The following GALNT17 variants were observed in gnomAD, a reference collection of about 807,000 sequenced individuals.
The protein encoded by GALNT17 is polypeptide N-acetylgalactosaminyltransferase 17.
Under a neutral mutation model 63.7 loss-of-function variants are expected in GALNT17, and 29 were observed. The observed-to-expected ratio is 0.46, with a 90% CI of 0.34 to 0.62. The LOEUF (loss-of-function observed/expected upper bound fraction) is 0.62. Among genes scored for constraint, GALNT17 ranks in the 20% least tolerant of loss-of-function variants. GALNT17 has a pLI of 0.01. For missense variants in GALNT17, 603 were observed against 799.6 expected (o/e 0.75, Z 2.97); for synonymous variants, 305 against 318.3 (o/e 0.96, Z 0.45).
chr7:71,613,337 C>T (rs928403165), intron 6 of GALNT17, among the ~76,000 whole-genome samples: 1 of 152,082 alleles, frequency 6.6e-6, no homozygotes, highest in East Asian at 1.9e-4. Context: ...TCTCTTTTTC[C>T]CCCAGCATTA....
intron 6 of GALNT17, among the ~76,000 whole-genome samples, chr7:71,577,977 G>A (rs1268443693): frequency 6.6e-6 from 1 of 151,906 alleles, no homozygotes; most frequent in Non-Finnish European, 1.5e-5. Context: ...GGGTTTTGAA[G>A]GCTTGCTCCT....
intron 7 of GALNT17, 118 bp downstream of exon 7, chr7:71,665,714 T>C (rs1052813900): frequency 5.9e-6 from 7 of 1,186,106 alleles, no homozygotes; most frequent in African/African-American, 1.6e-5. Flanking sequence ...AGAAAAATTA[T>C]GAATGCATTT....
At chr7:71,555,627 A>T (rs1044618378) in intron 5 of GALNT17, among the ~76,000 whole-genome samples, 1 of 152,020 alleles carries the variant, frequency 6.6e-6, no homozygotes, top group South Asian at 2.1e-4. Flanking sequence ...ACTATCCCAT[A>T]TGTCAGTGAT....
At position 71,265,114 on chromosome 7, in the gene GALNT17, A is replaced by T. The variant is rs1472779966; in HGVS notation, c.239-70436A>T. 2.0e-4 allele frequency among the ~76,000 whole-genome samples: 8 copies of T among 40,112 alleles called. No individual in the cohort carries two copies. In the South Asian group the frequency reaches 5.2e-3, roughly 26 times the overall value. The allele number at this position is 40,112 out of a possible 152,430, so 26.3% of individuals were successfully genotyped here. On this transcript the variant is annotated intron_variant, in intron 1 of 10. Coordinates refer to ENST00000333538, the MANE Select transcript of GALNT17 (RefSeq NM_022479.3). ...CCATAAATATTATATATATATATATATATATTTTTTTTTTTTTTTTTTTTT... is the reference window on the plus strand; with the variant it reads ...CCATAAATATTATATATATATATATTTATATTTTTTTTTTTTTTTTTTTTT...
intron 6 of GALNT17, among the ~76,000 whole-genome samples, chr7:71,597,078 C>T (rs1478037181): frequency 6.6e-6 from 1 of 151,990 alleles, no homozygotes; most frequent in Non-Finnish European, 1.5e-5. Context: ...TGCTCTGTTG[C>T]CCAGGCTGGA....
intron 1 of GALNT17, among the ~76,000 whole-genome samples, chr7:71,253,283 G>A (rs1465256643): frequency 6.6e-6 from 1 of 152,090 alleles, no homozygotes; most frequent in Non-Finnish European, 1.5e-5. Flanking sequence ...AAGGCAAAAG[G>A]CACATCTTAC....
chr7:71,264,850 C>T (rs1045973138), intron 1 of GALNT17, among the ~76,000 whole-genome samples: 4 of 151,312 alleles, frequency 2.6e-5, no homozygotes, highest in African/African-American at 7.3e-5. Context: ...GGGTAGGGTT[C>T]GTAGAGAGGT....
intron 5 of GALNT17, among the ~76,000 whole-genome samples, chr7:71,480,352 C>T (rs2116639983): frequency 6.6e-6 from 1 of 151,754 alleles, no homozygotes. Flanking sequence ...CGGACTCTTG[C>T]ACAGTCCTGG....
At chr7:71,534,913 A>G (rs574074821) in intron 5 of GALNT17, among the ~76,000 whole-genome samples, 2 of 152,256 alleles carry the variant, frequency 1.3e-5, no homozygotes, top group East Asian at 3.9e-4. Flanking sequence ...GGAGAACTAC[A>G]CTTCTGTGAT....
At chr7:71,571,159 C>CCCAGTACATGCTAGGCTGGAA (rs1554310505) in intron 5 of GALNT17, 126 bp from the exon 6 acceptor site, 1 of 358,962 alleles carries the variant, frequency 2.8e-6, no homozygotes, top group Non-Finnish European at 4.9e-6. Flanking sequence ...TAGGCTGGAA[C>CCCAGTACATGCTAGGCTGGAA]CCAGTACATG....
At chr7:71,238,569 T>G (rs1463477734) in intron 1 of GALNT17, among the ~76,000 whole-genome samples, 1 of 152,104 alleles carries the variant, frequency 6.6e-6, no homozygotes, top group Non-Finnish European at 1.5e-5. Flanking sequence ...GGGCTAAATA[T>G]TGAAAGGTGG....
In GALNT17 at chr7:71,588,628, A is replaced by C. The variant is rs140477246; in HGVS notation, c.1080+17226A>C. Among the ~76,000 whole-genome samples, 35 of 152,006 alleles carry C rather than the reference A, an allele frequency of 2.3e-4. No individual in the cohort carries two copies. The East Asian group carries it at 6.4e-3, about 28-fold the overall frequency. Reference sequence around the variant, plus strand: ...GTAGTCACAGCCACATGCACCAAACACTCTGCTTTTAGGTTGATTCTACCC... The same window carrying C: ...GTAGTCACAGCCACATGCACCAAACCCTCTGCTTTTAGGTTGATTCTACCC... On this transcript the variant is annotated intron_variant, in intron 6 of 10. Coordinates refer to ENST00000333538, the MANE Select transcript of GALNT17 (RefSeq NM_022479.3).
At chr7:71,383,119 G>A (rs1792876658) in intron 2 of GALNT17, among the ~76,000 whole-genome samples, 1 of 152,136 alleles carries the variant, frequency 6.6e-6, no homozygotes, top group Admixed American at 6.6e-5. Context: ...TTTGTGATTA[G>A]CTTATTTCAC....
intron 6 of GALNT17, among the ~76,000 whole-genome samples, chr7:71,587,821 C>T (rs1789741552): frequency 6.6e-6 from 1 of 152,090 alleles, no homozygotes. Context: ...GGGAAAAATA[C>T]TCATAATGCC....
intron 1 of GALNT17, among the ~76,000 whole-genome samples, chr7:71,334,378 GCTGGTCCTT>G (rs1378041413): frequency 2.0e-5 from 3 of 152,082 alleles, no homozygotes; most frequent in Admixed American, 2.0e-4. Flanking sequence ...AGCCAAGGAG[GCTGGTCCTT>G]CTTTCTGTCA....
rs146846346 is a variant in GALNT17, at chr7:71,433,870, A to C, written c.962+12765A>C. On this transcript the variant is annotated intron_variant, in intron 5 of 10. Coordinates refer to ENST00000333538, the MANE Select transcript of GALNT17 (RefSeq NM_022479.3). ...GTCAAAGGAGATTAACATTTGAGTC[A>C]CTGGACTGGGAGAGGCAGACCCACC... 2.6e-3 allele frequency among the ~76,000 whole-genome samples: 395 copies of C among 152,294 alleles called. 4 individuals carry two copies. Among genetic ancestry groups the C allele is most frequent in the African/African-American group, 9.3e-3 (387 of 41,558 alleles).
At chr7:71,165,752 G>A (rs779783640) in intron 1 of GALNT17, among the ~76,000 whole-genome samples, 5 of 152,154 alleles carry the variant, frequency 3.3e-5, no homozygotes, top group Admixed American at 2.6e-4. Context: ...TTTACTTGAC[G>A]TTAATGTTGA....
At chr7:71,392,823 T>C (rs1793074006) in intron 3 of GALNT17, among the ~76,000 whole-genome samples, 1 of 135,230 alleles carries the variant, frequency 7.4e-6, no homozygotes, top group Admixed American at 8.3e-5. Context: ...CTATGTTTTT[T>C]CCCCGGGCCA....
At chr7:71,286,100 T>G (rs1280411971) in intron 1 of GALNT17, among the ~76,000 whole-genome samples, 1 of 152,176 alleles carries the variant, frequency 6.6e-6, no homozygotes, top group Non-Finnish European at 1.5e-5. Context: ...GGCATTCAAC[T>G]GATTGCAATA....
Sources: gnomAD v4.1 joint callset for allele counts (sites outside exome capture counted in the v4.1 genomes callset) on GRCh38, gnomAD v4.1.1 for gene constraint, MANE v1.5 for transcripts, NCBI Gene and HGNC (gene_info 2026-07-23, HGNC 2026-07-21) for gene names.